The following PLCB2 variants were observed in gnomAD, a reference collection of about 807,000 sequenced individuals.
PLCB2 encodes phospholipase C beta 2.
PLCB2 carries 115 observed loss-of-function variants against 141.7 expected under a neutral mutation model. The ratio of observed to expected loss-of-function variants is 0.81; its 90% CI spans 0.70 to 0.95. The LOEUF (loss-of-function observed/expected upper bound fraction) is 0.95, where lower values mean the gene tolerates loss of function less well. PLCB2 is among the 40% of genes least tolerant of loss of function. The pLI is 0.00. For missense variants in PLCB2, 1,403 were observed against 1,541.1 expected (o/e 0.91, Z 1.50); for synonymous variants, 603 against 595.6 (o/e 1.01, Z -0.18).
intron 3 of PLCB2, 77 bp downstream of exon 3, chr15:40,303,211 C>G: frequency 9.4e-7 from 1 of 1,064,770 alleles, no homozygotes; most frequent in Admixed American, 1.7e-5. Context: ...GGCTTCCCAC[C>G]CGCACAGGGA....
intron 18 of PLCB2, 35 bp downstream of exon 18, chr15:40,294,901 G>A (rs1274318696): frequency 6.2e-7 from 1 of 1,613,620 alleles, no homozygotes; most frequent in Non-Finnish European, 8.5e-7. Context: ...GCAGGGACCA[G>A]GGAAGGATTC....
At chr15:40,294,807 C>T in intron 18 of PLCB2, 129 bp downstream of exon 18, 1 of 1,167,466 alleles carries the variant, frequency 8.6e-7, no homozygotes, top group Non-Finnish European at 1.2e-6. Flanking sequence ...TCTCACGCAC[C>T]TGGGCATGCT....
chr15:40,292,960 T>G lies in PLCB2; in HGVS notation c.2292A>C (p.Gly764=). ...GGGCATTGATGGGGATGATGCGGTG[T>G]CCAAGAAACTTGTTGCCTTCCTCCA... ...AVMEEGNKFL[G]HRIIPINALN... The change falls in exon 21 of 32, where the codon GGA becomes GGC. Residue 764 remains glycine, a synonymous_variant. Coordinates refer to ENST00000260402, the MANE Select transcript of PLCB2 (RefSeq NM_004573.3). 1 of 1,607,728 alleles carries G rather than the reference T, an allele frequency of 6.2e-7. No individual in the cohort carries two copies. The highest frequency in any genetic ancestry group is 8.5e-7 in the Non-Finnish European group (1 of 1,176,720).
chr15:40,304,784 AAATG>A (rs3837700), intron 1 of PLCB2, among the ~76,000 whole-genome samples: 8 of 151,910 alleles, frequency 5.3e-5, no homozygotes, highest in Admixed American at 3.3e-4. Context: ...CTGAATGAGC[AAATG>A]AATGAATGAA....
chr15:40,287,129 G>C (rs1180480865), downstream of PLCB2, among the ~76,000 whole-genome samples: 1 of 152,144 alleles, frequency 6.6e-6, no homozygotes, highest in African/African-American at 2.4e-5. Flanking sequence ...ACCACCCTGG[G>C]GTATAGGTGG....
At position 40,288,656 on chromosome 15, in the gene PLCB2, A is replaced by G; in HGVS notation, c.*59T>C. Reference sequence around the variant, plus strand: ...GGCTCCTTTTTCCTGGGGGAATAGAACCACATCCCAGAGAAGGGGCTGAAC... The same window carrying G: ...GGCTCCTTTTTCCTGGGGGAATAGAGCCACATCCCAGAGAAGGGGCTGAAC... On this transcript the variant is annotated 3_prime_UTR_variant, in exon 32 of 32. Coordinates refer to ENST00000260402, the MANE Select transcript of PLCB2 (RefSeq NM_004573.3). 1.4e-6 allele frequency: 2 copies of G among 1,476,266 alleles called. No homozygotes were observed. The highest frequency in any genetic ancestry group is 9.0e-7 in the Non-Finnish European group (1 of 1,110,532). 91.4% of individuals were successfully genotyped at this position (1,476,266 alleles called of 1,614,324 possible).
intron 2 of PLCB2, 78 bp downstream of exon 2, chr15:40,303,923 C>T: frequency 9.6e-7 from 1 of 1,038,500 alleles, no homozygotes; most frequent in Non-Finnish European, 1.5e-6. Context: ...CATGCCTCCA[C>T]CTTGGTGCAG....
chr15:40,288,527 G>A lies in PLCB2; in HGVS notation c.*188C>T. On this transcript the variant is annotated 3_prime_UTR_variant, in exon 32 of 32. Transcript: ENST00000260402. ...GACTTCTAGGCCCCAGAGAGGCCCT[G>A]CCGTGAGGGTGCCTGGGTCCTGTCT... 5.3e-6 allele frequency: 7 copies of A among 1,326,058 alleles called. No homozygotes were observed. The East Asian group carries it at 1.3e-4, about 25-fold the overall frequency. 82.1% of individuals were successfully genotyped at this position (1,326,058 alleles called of 1,614,324 possible).
At chr15:40,295,358 G>T (rs769749940) in intron 16 of PLCB2, 73 bp from the exon 17 acceptor site, 37 of 1,048,058 alleles carry the variant, frequency 3.5e-5, no homozygotes, top group Non-Finnish European at 5.4e-5. Context: ...CTCCCCTTTG[G>T]GGCAGCTCCC....
rs762852434 is a variant in PLCB2 at position 40,298,262 on chromosome 15, G to A, written c.1116C>T (p.Ile372=). The A allele has an allele frequency of 6.3e-7, 1 of 1,591,794 alleles. No homozygotes were observed. Among genetic ancestry groups the A allele is most frequent in the Admixed American group, 1.7e-5 (1 of 57,324 alleles). ...KGKPPDEEPI[I]THGFTMTTDI... is the part of the protein sequence containing the mutation. ...CTGTGGTCATGGTGAAGCCATGGGT[G>A]ATAATGGGCTCCTCGTCAGGGGGTT... The change falls in exon 11 of 32, where the codon ATC becomes ATT. Residue 372 remains isoleucine, a synonymous_variant. Coordinates refer to ENST00000260402, the MANE Select transcript of PLCB2 (RefSeq NM_004573.3).
chr15:40,289,078 G>T, intron 31 of PLCB2, 160 bp from the exon 32 acceptor site: 1 of 1,177,110 alleles, frequency 8.5e-7, no homozygotes, highest in Non-Finnish European at 1.2e-6. Flanking sequence ...CCCATCAGGA[G>T]CCTCTCAGGA....
chr15:40,290,970 TG>T, intron 27 of PLCB2, 47 bp downstream of exon 27: 1 of 835,068 alleles, frequency 1.2e-6, no homozygotes, highest in South Asian at 1.6e-5. Context: ...CCATGGGGGG[TG>T]GGGTCGGTGG....
chr15:40,298,388 A>G lies in PLCB2; in HGVS notation c.998-8T>C. 6.3e-7 allele frequency: 1 copy of G among 1,579,190 alleles called. No individual in the cohort carries two copies. The highest frequency in any genetic ancestry group is 2.2e-5 in the East Asian group (1 of 44,450). On this transcript the variant is annotated splice_polypyrimidine_tract_variant and splice_region_variant and intron_variant, in intron 10 of 31. Coordinates refer to ENST00000260402, the MANE Select transcript of PLCB2 (RefSeq NM_004573.3). Reference sequence around the variant, plus strand: ...GGCCTGAGAACTGGCCGGCTGAGCCAGAGGATGGGGAAGAGGTGAGGGCAT... The same window carrying G: ...GGCCTGAGAACTGGCCGGCTGAGCCGGAGGATGGGGAAGAGGTGAGGGCAT...
At chr15:40,300,805 A>G (rs1040773826) in intron 7 of PLCB2, 2 of 152,236 alleles carry the variant, frequency 1.3e-5, no homozygotes, top group Non-Finnish European at 2.9e-5. Context: ...AATGTCTTTC[A>G]GAATCACACT....
Position 40,303,281 on chromosome 15 carries a change from C to T in PLCB2, c.231+7G>A, listed in dbSNP as rs760655941. 2.5e-6 allele frequency: 4 copies of T among 1,608,116 alleles called. No individual in the cohort carries two copies. The East Asian group carries it at 6.7e-5, about 27-fold the overall frequency. On this transcript the variant is annotated splice_region_variant and intron_variant, in intron 3 of 31. Coordinates refer to ENST00000260402, the MANE Select transcript of PLCB2 (RefSeq NM_004573.3). ...CTTGAGCCTGGGCTGCTACTGGACA[C>T]ACCTACCTTGGGCATCTTGGCAAAC...
At chr15:40,294,889 G>C in intron 18 of PLCB2, 47 bp downstream of exon 18, 1 of 1,612,870 alleles carries the variant, frequency 6.2e-7, no homozygotes, top group Non-Finnish European at 8.5e-7. Flanking sequence ...AAGGTGGGGG[G>C]CGCAGGGACC....
intron 1 of PLCB2, among the ~76,000 whole-genome samples, chr15:40,305,748 C>G (rs1416833887): frequency 6.6e-6 from 1 of 152,198 alleles, no homozygotes; most frequent in East Asian, 1.9e-4. Context: ...TTCTGCCAGG[C>G]TCAGAAAGCA....
rs569801700 is a variant in PLCB2, at chr15:40,297,050, G to A, written c.1324-142C>T. 1 of 807,150 alleles carries A rather than the reference G, an allele frequency of 1.2e-6. No individual in the cohort carries two copies. The highest frequency in any genetic ancestry group is 2.1e-6 in the Non-Finnish European group (1 of 486,530). The allele number at this position is 807,150 out of a possible 1,614,324, so 50.0% of individuals were successfully genotyped here. ...ACTGCTTATCATCCCCATTCTCACT[G>A]AGATAAATCCAGCTTATCCCTTGGA... On this transcript the variant is annotated intron_variant, in intron 13 of 31. Coordinates refer to ENST00000260402, the MANE Select transcript of PLCB2 (RefSeq NM_004573.3). This position sits in a 1 kb window ranked among gnomAD's most constrained non-coding sequence, Gnocchi z 4.2.
In PLCB2 at chr15:40,291,183, C is replaced by A. The variant is rs1349596543; in HGVS notation, c.2871G>T (p.Arg957Ser). ...LGPGKGSRKK[R>S]SLPREESAGA... ...CGGCGCTCTCCTCGCGGGGCAGGCT[C>A]CTGGGGAGGCCACGTGGGGACAGGC... The change falls in exon 27 of 32, where the codon AGG becomes AGT. Residue 957 changes from arginine to serine, a missense_variant and splice_region_variant. Arg to Ser is a moderately radical substitution (Grantham distance 110, BLOSUM62 -1). Around this residue, in one of 4 missense-constraint regions of PLCB2, gnomAD observed 290 missense variants for 245.9 expected, o/e 1.18. Transcript: ENST00000260402. The A allele has an allele frequency of 6.4e-7, 1 of 1,571,372 alleles. No homozygotes were observed.
Sources: allele counts gnomAD v4.1 joint callset (sites outside exome capture counted in the v4.1 genomes callset), GRCh38; gene constraint gnomAD v4.1.1; regional missense constraint gnomAD v4.1.1; non-coding constraint Gnocchi (gnomAD v3.1); transcripts MANE v1.5; gene names NCBI Gene and HGNC (gene_info 2026-07-23, HGNC 2026-07-21).